The following NEDD9 variants were observed in gnomAD, a reference collection of about 807,000 sequenced individuals.
NEDD9 encodes neural precursor cell expressed, developmentally down-regulated 9.
In NEDD9, 26 loss-of-function variants were observed where a neutral mutation model predicts 76.6. The ratio of observed to expected loss-of-function variants is 0.34; its 90% confidence interval spans 0.25 to 0.47. The LOEUF (loss-of-function observed/expected upper bound fraction) is 0.47, where lower values mean the gene tolerates loss of function less well. Among genes scored for constraint, NEDD9 ranks in the 20% least tolerant of loss-of-function variants. NEDD9 has a pLI of 1.00. For synonymous variants in NEDD9, 392 were observed against 414.2 expected (o/e 0.95, Z 0.65); for missense variants, 937 against 1,058.5 (o/e 0.89, Z 1.59).
chr6:11,290,869 A>T (rs1233911703), intron 3 of NEDD9, among the ~76,000 whole-genome samples: 1 of 152,116 alleles, frequency 6.6e-6, no homozygotes, highest in East Asian at 1.9e-4. Flanking sequence ...GCTCATCTCT[A>T]CATCTCCCTG....
At chr6:11,346,397 C>T (rs575501039) in intron 1 of NEDD9, among the ~76,000 whole-genome samples, 1 of 152,076 alleles carries the variant, frequency 6.6e-6, no homozygotes, top group Non-Finnish European at 1.5e-5. Flanking sequence ...TCAAGACCCA[C>T]CCAAAAGAGC....
chr6:11,292,620 T>C (rs1220573149), intron 3 of NEDD9, among the ~76,000 whole-genome samples: 2 of 152,242 alleles, frequency 1.3e-5, no homozygotes, highest in Non-Finnish European at 2.9e-5. Flanking sequence ...AATTGCCTTT[T>C]AGTGGTGATT....
chr6:11,265,113 A>G (rs1760179838), intron 3 of NEDD9, among the ~76,000 whole-genome samples: 1 of 152,252 alleles, frequency 6.6e-6, no homozygotes, highest in Non-Finnish European at 1.5e-5. Flanking sequence ...CAGATTTTTT[A>G]ATCTGTTAAT....
intron 1 of NEDD9, among the ~76,000 whole-genome samples, chr6:11,347,803 A>G (rs1275730278): frequency 6.6e-6 from 1 of 152,234 alleles, no homozygotes; most frequent in Non-Finnish European, 1.5e-5. Context: ...CAAAATAATA[A>G]GAGCCATCTG....
intron 1 of NEDD9, among the ~76,000 whole-genome samples, chr6:11,349,648 T>G (rs1762427104): frequency 6.6e-6 from 1 of 152,220 alleles, no homozygotes; most frequent in South Asian, 2.1e-4. Context: ...GAAGCCATTA[T>G]CCTCAGCATA....
intron 3 of NEDD9, among the ~76,000 whole-genome samples, chr6:11,242,423 T>C (rs1759726135): frequency 6.6e-6 from 1 of 152,142 alleles, no homozygotes. Context: ...AACCTGCTTT[T>C]GGAGCTTCTG....
At chr6:11,262,068 T>C (rs1489773150) in intron 3 of NEDD9, among the ~76,000 whole-genome samples, 1 of 152,172 alleles carries the variant, frequency 6.6e-6, no homozygotes, top group Non-Finnish European at 1.5e-5. Context: ...TATTTTGGAA[T>C]ATGCCCCAGT....
intron 1 of NEDD9, among the ~76,000 whole-genome samples, chr6:11,228,817 A>G (rs909231030): frequency 6.6e-6 from 1 of 152,250 alleles, no homozygotes; most frequent in Non-Finnish European, 1.5e-5. Context: ...TACATAAATA[A>G]CCAAGTTGAT....
At chr6:11,210,198 A>C (rs1197273921) in intron 2 of NEDD9, among the ~76,000 whole-genome samples, 1 of 152,152 alleles carries the variant, frequency 6.6e-6, no homozygotes, top group Non-Finnish European at 1.5e-5. Context: ...AATAAGATGC[A>C]GATTCCTGGG....
At chr6:11,357,914 G>C (rs1026991160) in intron 1 of NEDD9, among the ~76,000 whole-genome samples, 5 of 152,156 alleles carry the variant, frequency 3.3e-5, no homozygotes, top group Non-Finnish European at 7.4e-5. Context: ...CTTCCACCCA[G>C]GCAGTCCCTG....
chr6:11,197,723 T>C lies in NEDD9; in HGVS notation c.460-4031A>G, dbSNP rs1397864915. ...ATAAAAACAAGGAAACAAACTCGAA[T>C]TGCCCCACCCCACACTTTGATGGTG... On this transcript the variant is annotated intron_variant, in intron 2 of 6. Transcript: ENST00000379446. Among the ~76,000 whole-genome samples the C allele has an allele frequency of 2.0e-5, 3 of 152,198 alleles. No individual in the cohort carries two copies. The East Asian group carries it at 5.8e-4, about 29-fold the overall frequency.
intron 1 of NEDD9, among the ~76,000 whole-genome samples, chr6:11,223,483 C>T (rs1157549845): frequency 8.4e-6 from 1 of 119,676 alleles, no homozygotes; most frequent in Non-Finnish European, 1.8e-5. Context: ...AAAACTTCCT[C>T]TAGGAAAAAA....
At chr6:11,380,143 C>A (rs1763036327) in intron 1 of NEDD9, among the ~76,000 whole-genome samples, 1 of 152,160 alleles carries the variant, frequency 6.6e-6, no homozygotes, top group African/African-American at 2.4e-5. Context: ...TGTGGGAAAT[C>A]AAAACTCAGA....
At chr6:11,322,605 C>A (rs781430417) in intron 2 of NEDD9, among the ~76,000 whole-genome samples, 1 of 152,178 alleles carries the variant, frequency 6.6e-6, no homozygotes, top group Non-Finnish European at 1.5e-5. Context: ...CTCTCTCAAC[C>A]CTTCTCCTCT....
intron 1 of NEDD9, among the ~76,000 whole-genome samples, chr6:11,349,356 C>T (rs1306249784): frequency 2.6e-5 from 4 of 152,118 alleles, no homozygotes; most frequent in East Asian, 1.9e-4. Context: ...TGGAAAGCAG[C>T]GTGGTGATTT....
intron 2 of NEDD9, among the ~76,000 whole-genome samples, chr6:11,204,738 G>A (rs4713249): frequency 0.64 from 73,035 of 113,906 alleles, 24,716 homozygotes; most frequent in East Asian, 0.95. Context: ...AAAAAAAAAA[G>A]AAAGAAAGAA....
intron 2 of NEDD9, among the ~76,000 whole-genome samples, chr6:11,203,974 T>TA (rs1758527222): frequency 8.5e-5 from 9 of 106,132 alleles, no homozygotes; most frequent in African/African-American, 3.0e-4. Flanking sequence ...TATCTTTTCT[T>TA]TAAAAAAAAA....
At chr6:11,187,865 T>C (rs574119952) in intron 6 of NEDD9, among the ~76,000 whole-genome samples, 1 of 152,362 alleles carries the variant, frequency 6.6e-6, no homozygotes, top group East Asian at 1.9e-4. Flanking sequence ...CTTCACTTTC[T>C]GTTACTGAAT....
intron 2 of NEDD9, among the ~76,000 whole-genome samples, chr6:11,202,902 GA>G (rs1561785933): frequency 6.6e-6 from 1 of 152,184 alleles, no homozygotes; most frequent in Admixed American, 6.5e-5. Context: ...CCCCAGTGAG[GA>G]AAAAGTCACA....
Sources: allele counts gnomAD v4.1 joint callset (sites outside exome capture counted in the v4.1 genomes callset), GRCh38; gene constraint gnomAD v4.1.1; transcripts MANE v1.5; gene names NCBI Gene and HGNC (gene_info 2026-07-23, HGNC 2026-07-21).